UBE4B: variants seen among roughly 807,000 people sequenced by gnomAD.
UBE4B encodes ubiquitination factor E4B, also known as ubiquitin conjugation factor E4 B.
UBE4B carries 27 observed loss-of-function variants against 148.1 expected under a neutral mutation model. The ratio of observed to expected loss-of-function variants is 0.18; its 90% CI spans 0.13 to 0.25. The LOEUF (loss-of-function observed/expected upper bound fraction) is 0.25. Among genes scored for constraint, UBE4B ranks in the 10% least tolerant of loss-of-function variants. The pLI is 1.00. For synonymous variants in UBE4B, 596 were observed against 619.3 expected, an observed-to-expected ratio of 0.96 and a Z score of 0.56; for missense variants, 1,170 against 1,662.4, an observed-to-expected ratio of 0.70 and a Z score of 5.15.
At chr1:10,166,976 A>C (rs546081153) in intron 23 of UBE4B, among the ~76,000 whole-genome samples, 4,924 of 142,778 alleles carry the variant, frequency 0.034, 212 homozygotes, top group African/African-American at 0.12. Flanking sequence ...CACACAAAAA[A>C]AAAAAATTAG....
chr1:10,035,721 ATT>A (rs1046609613), intron 1 of UBE4B, among the ~76,000 whole-genome samples: 1 of 127,352 alleles, frequency 7.9e-6, no homozygotes, highest in Non-Finnish European at 1.7e-5. Flanking sequence ...TAGTTTTTTT[ATT>A]TTTTTTTATT....
At chr1:10,179,613 T>G in intron 27 of UBE4B, 51 bp downstream of exon 27, 1 of 1,601,672 alleles carries the variant, frequency 6.2e-7, no homozygotes, top group Non-Finnish European at 8.5e-7. Flanking sequence ...TACCAAGAGA[T>G]AAAGCCCAAG....
intron 1 of UBE4B, among the ~76,000 whole-genome samples, chr1:10,048,001 C>T (rs1643949658): frequency 6.6e-6 from 1 of 152,184 alleles, no homozygotes; most frequent in African/African-American, 2.4e-5. Context: ...GTGTGTGCCA[C>T]TGTGCCCAGC....
At chr1:10,097,929 G>A (rs1326112561) in intron 3 of UBE4B, among the ~76,000 whole-genome samples, 1 of 151,974 alleles carries the variant, frequency 6.6e-6, no homozygotes, top group Non-Finnish European at 1.5e-5. Context: ...GGAATGCCGT[G>A]GCACAATCTC....
intron 10 of UBE4B, 133 bp downstream of exon 10, chr1:10,122,209 T>G: frequency 1.8e-6 from 1 of 555,746 alleles, no homozygotes; most frequent in East Asian, 2.9e-5. Context: ...CTACCCAATA[T>G]TCTTTTGAGG....
At position 10,122,154 on chromosome 1, in the gene UBE4B, A is replaced by G. The variant is rs1645421550; in HGVS notation, c.1554+78A>G. ...CGAGGCTAATTTCTGACCATTGAAA[A>G]CTTTTGCCTGAATTCGAACATCCAT... On this transcript the variant is annotated intron_variant, in intron 10 of 27. Coordinates refer to ENST00000343090, the MANE Select transcript of UBE4B (RefSeq NM_001105562.3). The G allele has an allele frequency of 3.0e-6, 3 of 986,134 alleles. No individual in the cohort carries two copies. The Admixed American group carries it at 7.3e-5, about 24-fold the overall frequency. 61.1% of individuals were successfully genotyped at this position (986,134 alleles called of 1,614,324 possible). A position where few individuals can be genotyped will look rare whatever the true frequency, so the allele number is the denominator to read the frequency against.
intron 7 of UBE4B, among the ~76,000 whole-genome samples, chr1:10,107,945 G>A (rs767417302): frequency 2.0e-5 from 3 of 152,102 alleles, no homozygotes; most frequent in South Asian, 2.1e-4. Context: ...TTTTTCAAAA[G>A]CATGAAAACA....
intron 2 of UBE4B, among the ~76,000 whole-genome samples, chr1:10,081,410 A>G: frequency 6.6e-6 from 1 of 151,546 alleles, no homozygotes; most frequent in East Asian, 1.9e-4. Flanking sequence ...ATCCTTCCAT[A>G]TCCTATTATA....
intron 25 of UBE4B, among the ~76,000 whole-genome samples, chr1:10,171,628 TC>T (rs988743398): frequency 2.6e-4 from 40 of 152,188 alleles, no homozygotes; most frequent in African/African-American, 8.0e-4. Context: ...ACGCCTGTAA[TC>T]CCAACACTTT....
intron 1 of UBE4B, among the ~76,000 whole-genome samples, chr1:10,071,337 T>C (rs530532506): frequency 5.2e-4 from 79 of 152,318 alleles, no homozygotes; most frequent in African/African-American, 1.8e-3. Flanking sequence ...ATCCTAGTAC[T>C]CTGGGAGGCC....
At chr1:10,034,056 A>C (rs996868428) in intron 1 of UBE4B, among the ~76,000 whole-genome samples, 1 of 152,186 alleles carries the variant, frequency 6.6e-6, no homozygotes, top group African/African-American at 2.4e-5. Context: ...TTAAAGAACA[A>C]TTTTGGATGG....
chr1:10,101,498 C>CTTTTTTTTTTT (rs34066776), intron 4 of UBE4B, among the ~76,000 whole-genome samples: 2 of 56,166 alleles, frequency 3.6e-5, no homozygotes, highest in Non-Finnish European at 6.5e-5. Flanking sequence ...TGGTCTTTTG[C>CTTTTTTTTTTT]TTTTTTTTTT....
chr1:10,127,931 A>C (rs1377719672), intron 11 of UBE4B, among the ~76,000 whole-genome samples: 2 of 152,262 alleles, frequency 1.3e-5, no homozygotes, highest in African/African-American at 4.8e-5. Context: ...CTAAAAGGCT[A>C]CAAGAATGCT....
In UBE4B at chr1:10,161,784, C is replaced by G. The variant is rs1016146336; in HGVS notation, c.3198+498C>G. ...GGCTTGCCAGGTTCCATGGAAAGCACGTGCCGTGCCAGTACCAGTGCTCTT... is the reference window on the plus strand; with the variant it reads ...GGCTTGCCAGGTTCCATGGAAAGCAGGTGCCGTGCCAGTACCAGTGCTCTT... On this transcript the variant is annotated intron_variant, in intron 23 of 27. Coordinates refer to ENST00000343090, the MANE Select transcript of UBE4B (RefSeq NM_001105562.3). This position sits in a 1 kb window ranked among gnomAD's most constrained non-coding sequence, Gnocchi z 4.1. 6.6e-6 allele frequency among the ~76,000 whole-genome samples: 1 copy of G among 152,132 alleles called. No homozygotes were observed. Among genetic ancestry groups the G allele is most frequent in the African/African-American group, 2.4e-5 (1 of 41,410 alleles).
At chr1:10,034,259 C>G (rs774053507) in intron 1 of UBE4B, among the ~76,000 whole-genome samples, 1 of 152,110 alleles carries the variant, frequency 6.6e-6, no homozygotes, top group African/African-American at 2.4e-5. Context: ...TATTCTGGTA[C>G]TTAATAGACC....
At chr1:10,115,911 G>T (rs1645300595) in intron 7 of UBE4B, among the ~76,000 whole-genome samples, 1 of 152,184 alleles carries the variant, frequency 6.6e-6, no homozygotes, top group African/African-American at 2.4e-5. Flanking sequence ...AAAAGATACA[G>T]TAAAAATATG....
intron 21 of UBE4B, among the ~76,000 whole-genome samples, chr1:10,156,188 G>GA (rs143137503): frequency 3.5e-5 from 5 of 144,830 alleles, no homozygotes; most frequent in Admixed American, 7.0e-5. Flanking sequence ...TGAATAAGAA[G>GA]AAAAAAAAAC....
intron 12 of UBE4B, among the ~76,000 whole-genome samples, chr1:10,129,953 G>T (rs548255928): frequency 2.0e-5 from 3 of 151,502 alleles, no homozygotes; most frequent in African/African-American, 7.3e-5. Flanking sequence ...CACCGGGCCT[G>T]TTTTTTTTCC....
intron 15 of UBE4B, among the ~76,000 whole-genome samples, chr1:10,132,934 G>A (rs558312851): frequency 2.0e-5 from 3 of 152,230 alleles, no homozygotes; most frequent in South Asian, 2.1e-4. Context: ...AGGGAATGTC[G>A]GGTCCTGGAG....
Sources: allele counts gnomAD v4.1 joint callset (sites outside exome capture counted in the v4.1 genomes callset), GRCh38; gene constraint gnomAD v4.1.1; non-coding constraint Gnocchi (gnomAD v3.1); transcripts MANE v1.5; gene names NCBI Gene and HGNC (gene_info 2026-07-23, HGNC 2026-07-21).